The following PLCL1 variants were observed in gnomAD, a reference collection of about 807,000 sequenced individuals.
PLCL1 encodes the protein inactive phospholipase C-like protein 1.
Under a neutral mutation model 84.4 loss-of-function variants are expected in PLCL1, and 41 were observed. The observed-to-expected ratio is 0.49, with a 90% CI of 0.38 to 0.63. The LOEUF (loss-of-function observed/expected upper bound fraction) is 0.63, where lower values mean the gene tolerates loss of function less well. Ranked by LOEUF, PLCL1 falls within the 30% of genes least tolerant of loss-of-function variation. The pLI, the probability that PLCL1 is intolerant of heterozygous loss-of-function variation, is 0.00. For missense variants in PLCL1, 1,206 were observed against 1,367.8 expected, an observed-to-expected ratio of 0.88 and a Z score of 1.87; for synonymous variants, 490 against 488.3, an observed-to-expected ratio of 1.00 and a Z score of -0.05.
At chr2:198,093,475 C>T (rs1036335282) in intron 3 of PLCL1, among the ~76,000 whole-genome samples, 2 of 151,934 alleles carry the variant, frequency 1.3e-5, no homozygotes, top group African/African-American at 4.8e-5. Context: ...GTCTAACCAC[C>T]CCCCCAACCT....
intron 1 of PLCL1, among the ~76,000 whole-genome samples, chr2:197,899,150 T>C (rs1688214739): frequency 7.9e-5 from 12 of 152,172 alleles, no homozygotes; most frequent in Admixed American, 7.9e-4. Context: ...TACAATCCAG[T>C]GGAGGAGAAT....
chr2:197,954,687 ACTT>A (rs1689452316), intron 1 of PLCL1, among the ~76,000 whole-genome samples: 1 of 152,000 alleles, frequency 6.6e-6, no homozygotes, highest in Admixed American at 6.6e-5. Flanking sequence ...GTAGCTACTG[ACTT>A]CTATGAATTT....
chr2:197,832,876 A>G (rs1215225556), intron 1 of PLCL1, among the ~76,000 whole-genome samples: 1 of 152,268 alleles, frequency 6.6e-6, no homozygotes, highest in Non-Finnish European at 1.5e-5. Flanking sequence ...GTAATCCATC[A>G]CATAAACAGA....
At chr2:197,826,898 A>G (rs184462784) in intron 1 of PLCL1, among the ~76,000 whole-genome samples, 2 of 152,240 alleles carry the variant, frequency 1.3e-5, no homozygotes, top group East Asian at 3.9e-4. Context: ...TTTTCATCTC[A>G]TGAATAGCAC....
intron 1 of PLCL1, among the ~76,000 whole-genome samples, chr2:197,998,173 CTATGTG>C (rs1331232640): frequency 2.6e-5 from 2 of 77,342 alleles, no homozygotes; most frequent in Non-Finnish European, 5.7e-5. Context: ...AAGAATGGAG[CTATGTG>C]TGTGTGTGTG....
chr2:197,858,700 T>G (rs1178735798), intron 1 of PLCL1, among the ~76,000 whole-genome samples: 1 of 152,198 alleles, frequency 6.6e-6, no homozygotes, highest in Admixed American at 6.5e-5. Flanking sequence ...TATCAGTTAT[T>G]TATTGCCAAA....
At chr2:198,012,496 T>A (rs887839039) in intron 1 of PLCL1, among the ~76,000 whole-genome samples, 2 of 152,136 alleles carry the variant, frequency 1.3e-5, no homozygotes, top group African/African-American at 4.8e-5. Flanking sequence ...GGTTGGATCT[T>A]ATTTTTTTAA....
At chr2:198,039,339 T>C (rs1172730485) in intron 1 of PLCL1, among the ~76,000 whole-genome samples, 1 of 152,224 alleles carries the variant, frequency 6.6e-6, no homozygotes, top group African/African-American at 2.4e-5. Flanking sequence ...TTGATACCTG[T>C]AGACGTTTTA....
At chr2:197,810,109 C>G (rs1690554382) in intron 1 of PLCL1, 1 of 247,460 alleles carries the variant, frequency 4.0e-6, no homozygotes, top group Non-Finnish European at 8.1e-6. Context: ...CTGCGGCTCT[C>G]CTCCCGAGAT....
At chr2:197,907,084 C>A (rs1454178057) in intron 1 of PLCL1, among the ~76,000 whole-genome samples, 2 of 146,690 alleles carry the variant, frequency 1.4e-5, no homozygotes, top group South Asian at 4.4e-4. Context: ...CAACATCATA[C>A]CGAATGGGCA....
Position 198,104,329 on chromosome 2 carries a change from A to G in PLCL1, c.3105+393A>G, listed in dbSNP as rs1175638371. 2.0e-5 allele frequency among the ~76,000 whole-genome samples: 3 copies of G among 151,986 alleles called. No individual in the cohort carries two copies. The East Asian group carries it at 5.8e-4, about 30-fold the overall frequency. On this transcript the variant is annotated intron_variant, in intron 5 of 5. Coordinates refer to ENST00000428675, the MANE Select transcript of PLCL1 (RefSeq NM_006226.4). ...TTTCTGCATTAGTTTGCTTAGGATA[A>G]AGCCCTCCAGCTCCATCCATGTTGC...
chr2:198,100,057 A>T (rs1441174117), intron 3 of PLCL1, among the ~76,000 whole-genome samples: 1 of 152,152 alleles, frequency 6.6e-6, no homozygotes, highest in Non-Finnish European at 1.5e-5. Context: ...TCAAAAAGAT[A>T]ATTACAAGTT....
At chr2:198,023,918 A>T (rs1691200024) in intron 1 of PLCL1, among the ~76,000 whole-genome samples, 1 of 152,212 alleles carries the variant, frequency 6.6e-6, no homozygotes, top group African/African-American at 2.4e-5. Flanking sequence ...AAGGATTATA[A>T]ATCATTCTAC....
At chr2:198,071,011 C>A in intron 1 of PLCL1, 1 of 912,540 alleles carries the variant, frequency 1.1e-6, no homozygotes, top group Non-Finnish European at 1.3e-6. Flanking sequence ...GGAATATATT[C>A]TTCCAGACTT....
chr2:198,059,618 G>T (rs889272949), intron 1 of PLCL1, among the ~76,000 whole-genome samples: 11 of 152,144 alleles, frequency 7.2e-5, no homozygotes, highest in African/African-American at 2.2e-4. Flanking sequence ...GGACGAGAAA[G>T]CTGAGAGAGG....
At chr2:198,048,789 C>A (rs942765575) in intron 1 of PLCL1, among the ~76,000 whole-genome samples, 8 of 152,338 alleles carry the variant, frequency 5.3e-5, no homozygotes, top group Middle Eastern at 3.4e-3. Flanking sequence ...ATGGAAGGAA[C>A]AAATAACCAG....
intron 1 of PLCL1, among the ~76,000 whole-genome samples, chr2:198,031,659 CT>C (rs5837577): frequency 0.46 from 48,127 of 103,760 alleles, 10,560 homozygotes; most frequent in Middle Eastern, 0.58. Context: ...ATGGCCAGTG[CT>C]TTTTTTTTTT....
intron 5 of PLCL1, among the ~76,000 whole-genome samples, chr2:198,140,357 T>C (rs1391959238): frequency 6.6e-6 from 1 of 152,158 alleles, no homozygotes; most frequent in Non-Finnish European, 1.5e-5. Flanking sequence ...GAATTCTATA[T>C]ATACAAGAAC....
At position 197,919,119 on chromosome 2, in the gene PLCL1, A is replaced by G. The variant is rs546434342; in HGVS notation, c.240+113780A>G. ...TTAAAGATAAATCCAAAGATCAGAT[A>G]TATTTATAGATCAAAAATATTGAAA... On this transcript the variant is annotated intron_variant, in intron 1 of 5. Coordinates refer to ENST00000428675, the MANE Select transcript of PLCL1 (RefSeq NM_006226.4). Among the ~76,000 whole-genome samples, 4 of 152,330 alleles carry G rather than the reference A, an allele frequency of 2.6e-5. No homozygotes were observed. In the South Asian group the frequency reaches 8.3e-4, roughly 32 times the overall value.
Sources: allele counts gnomAD v4.1 joint callset (sites outside exome capture counted in the v4.1 genomes callset), GRCh38; gene constraint gnomAD v4.1.1; transcripts MANE v1.5; gene names NCBI Gene and HGNC (gene_info 2026-07-23, HGNC 2026-07-21).